The following GRIK4 variants were observed in gnomAD, a reference collection of about 807,000 sequenced individuals.
The protein encoded by GRIK4 is glutamate receptor ionotropic, kainate 4.
Under a neutral mutation model 104.9 loss-of-function variants are expected in GRIK4, and 40 were observed. That is an observed-to-expected ratio of 0.38 (90% CI 0.30 to 0.50). The LOEUF (loss-of-function observed/expected upper bound fraction) is 0.50. Among genes scored for constraint, GRIK4 ranks in the 20% least tolerant of loss-of-function variants. The probability of loss-of-function intolerance (pLI) is 0.93; values close to 1 mark genes in which losing one functional copy is unlikely to be tolerated. For synonymous variants in GRIK4, 485 were observed against 524.9 expected, an observed-to-expected ratio of 0.92 and a Z score of 1.04; for missense variants, 1,047 against 1,308.1, an observed-to-expected ratio of 0.80 and a Z score of 3.08.
intron 2 of GRIK4, among the ~76,000 whole-genome samples, chr11:120,654,259 A>G (rs757017992): frequency 6.6e-6 from 1 of 152,240 alleles, no homozygotes; most frequent in Non-Finnish European, 1.5e-5. Context: ...TGGATAAGTT[A>G]CTGAGCCTTT....
chr11:120,778,986 C>T (rs1952096399), intron 3 of GRIK4, among the ~76,000 whole-genome samples: 1 of 152,166 alleles, frequency 6.6e-6, no homozygotes, highest in Non-Finnish European at 1.5e-5. Flanking sequence ...GCTGTTCAGC[C>T]CCTGCTCTGA....
At chr11:120,774,619 G>T (rs1952006334) in intron 3 of GRIK4, among the ~76,000 whole-genome samples, 1 of 152,208 alleles carries the variant, frequency 6.6e-6, no homozygotes, top group Non-Finnish European at 1.5e-5. Context: ...TGATTTAAAT[G>T]TTAATCATAT....
At chr11:120,738,471 A>G (rs778380768) in intron 3 of GRIK4, among the ~76,000 whole-genome samples, 79 of 152,330 alleles carry the variant, frequency 5.2e-4, no homozygotes, top group African/African-American at 1.3e-3. Context: ...CTCAGCCCCA[A>G]TGGCAGGGCA....
chr11:120,602,734 G>A (rs891989753), intron 1 of GRIK4, among the ~76,000 whole-genome samples: 3 of 152,112 alleles, frequency 2.0e-5, no homozygotes, highest in Non-Finnish European at 4.4e-5. Context: ...ACAGAGTCTC[G>A]CTCTGTCGTC....
intron 3 of GRIK4, among the ~76,000 whole-genome samples, chr11:120,710,107 C>T (rs1445993726): frequency 2.6e-5 from 4 of 152,140 alleles, no homozygotes; most frequent in Non-Finnish European, 5.9e-5. Context: ...AGAAACAAAA[C>T]GAAATGACTG....
chr11:120,784,516 G>A (rs1246427320), intron 3 of GRIK4, among the ~76,000 whole-genome samples: 1 of 152,182 alleles, frequency 6.6e-6, no homozygotes, highest in Non-Finnish European at 1.5e-5. Context: ...GGAGGCCACA[G>A]GGTCCTGTGT....
chr11:120,573,967 G>T (rs973614083), intron 1 of GRIK4, among the ~76,000 whole-genome samples: 4 of 152,172 alleles, frequency 2.6e-5, no homozygotes, highest in African/African-American at 9.7e-5. Flanking sequence ...CCAGGCTCGG[G>T]GCTGCTACCC....
At chr11:120,536,489 C>CT (rs1947976481) in intron 1 of GRIK4, among the ~76,000 whole-genome samples, 1 of 152,202 alleles carries the variant, frequency 6.6e-6, no homozygotes, top group South Asian at 2.1e-4. Flanking sequence ...ACAATTGGAC[C>CT]TGGAACATTG....
chr11:120,527,440 G>A (rs574916613), intron 1 of GRIK4, among the ~76,000 whole-genome samples: 2 of 152,314 alleles, frequency 1.3e-5, no homozygotes, highest in South Asian at 4.1e-4. Context: ...CGGTGAGAGA[G>A]GGAGCATGGC....
chr11:120,669,086 A>G (rs771984058), intron 3 of GRIK4, among the ~76,000 whole-genome samples: 5 of 152,166 alleles, frequency 3.3e-5, no homozygotes, highest in African/African-American at 4.8e-5. Context: ...CCCTGCTTTA[A>G]ATTCACCTTG....
intron 11 of GRIK4, among the ~76,000 whole-genome samples, chr11:120,879,754 C>CA (rs1180565728): frequency 4.8e-4 from 73 of 152,152 alleles, no homozygotes; most frequent in Non-Finnish European, 4.4e-5. Context: ...GTTTCAGCTC[C>CA]ACCCTCCAGT....
intron 2 of GRIK4, among the ~76,000 whole-genome samples, chr11:120,659,460 G>A (rs1462646557): frequency 6.6e-6 from 1 of 152,196 alleles, no homozygotes; most frequent in Admixed American, 6.5e-5. Flanking sequence ...TGGCTTCTCC[G>A]ATGTTACCTT....
At chr11:120,863,538 G>A (rs1954315891) in intron 9 of GRIK4, among the ~76,000 whole-genome samples, 1 of 152,256 alleles carries the variant, frequency 6.6e-6, no homozygotes, top group Non-Finnish European at 1.5e-5. Flanking sequence ...GAATGAATGA[G>A]TGAGTGAGTG....
At chr11:120,551,268 C>T (rs1948137087) in intron 1 of GRIK4, among the ~76,000 whole-genome samples, 2 of 152,164 alleles carry the variant, frequency 1.3e-5, no homozygotes, top group Admixed American at 6.5e-5. Flanking sequence ...GCCCTTGTTA[C>T]TGTAAACAGA....
chr11:120,932,229 G>T (rs868325252), intron 13 of GRIK4, among the ~76,000 whole-genome samples: 1 of 149,860 alleles, frequency 6.7e-6, no homozygotes, highest in African/African-American at 2.5e-5. Flanking sequence ...TTTGCTGTCA[G>T]AGACTGTGCC....
At chr11:120,950,929 T>C (rs1471386495) in intron 14 of GRIK4, among the ~76,000 whole-genome samples, 1 of 152,212 alleles carries the variant, frequency 6.6e-6, no homozygotes. Context: ...CCCCCAGATT[T>C]TTCATTTTTC....
At chr11:120,733,488 GTTGTATT>G (rs1482130252) in intron 3 of GRIK4, among the ~76,000 whole-genome samples, 4 of 151,016 alleles carry the variant, frequency 2.6e-5, no homozygotes, top group African/African-American at 9.7e-5. Context: ...TTGTGTATCT[GTTGTATT>G]TTTTTGGGGG....
chr11:120,837,613 T>C (rs972457928), intron 8 of GRIK4, among the ~76,000 whole-genome samples: 2 of 151,560 alleles, frequency 1.3e-5, no homozygotes, highest in African/African-American at 4.9e-5. Context: ...GCTCCAGAAA[T>C]AGAGCATTAC....
At chr11:120,562,441 GGGAGGGCTTCCTGGA>G (rs1341665112) in intron 1 of GRIK4, among the ~76,000 whole-genome samples, 2 of 152,208 alleles carry the variant, frequency 1.3e-5, no homozygotes, top group African/African-American at 4.8e-5. Context: ...CAGGGAGCTG[GGGAGGGCTTCCTGGA>G]GGAGGTGATG....
Sources: allele counts gnomAD v4.1 joint callset (sites outside exome capture counted in the v4.1 genomes callset), GRCh38; gene constraint gnomAD v4.1.1; transcripts MANE v1.5; gene names NCBI Gene and HGNC (gene_info 2026-07-23, HGNC 2026-07-21).